Variants in FAM171A1 observed in about 807,000 individuals in gnomAD.
FAM171A1 encodes family with sequence similarity 171 member A1, also known as protein FAM171A1.
Under a neutral mutation model 74.9 loss-of-function variants are expected in FAM171A1, and 23 were observed. The observed-to-expected ratio is 0.31, with a 90% CI of 0.22 to 0.44. The LOEUF is 0.44. Among genes scored for constraint, FAM171A1 ranks in the 20% least tolerant of loss-of-function variants. FAM171A1 has a pLI of 1.00. For missense variants in FAM171A1, 1,162 were observed against 1,159.2 expected, an observed-to-expected ratio of 1.00 and a Z score of -0.03; for synonymous variants, 527 against 505.7, an observed-to-expected ratio of 1.04 and a Z score of -0.57.
chr10:15,249,196 A>AC (rs1021923360), intron 4 of FAM171A1, among the ~76,000 whole-genome samples: 1 of 150,386 alleles, frequency 6.6e-6, no homozygotes, highest in African/African-American at 2.5e-5. Flanking sequence ...TCCTGGGTTC[A>AC]AGCGATCCTC....
chr10:15,319,629 C>T lies in FAM171A1; in HGVS notation c.98-35524G>A, dbSNP rs183977715. Reference sequence around the variant, plus strand: ...TGTCTATTTTGTAGAGACGGGGTTTCACCATGTTGGCCAGGCTGGTCTCGA... The same window carrying T: ...TGTCTATTTTGTAGAGACGGGGTTTTACCATGTTGGCCAGGCTGGTCTCGA... On this transcript the variant is annotated intron_variant, in intron 1 of 7. Transcript: ENST00000378116. Among the ~76,000 whole-genome samples the T allele has an allele frequency of 1.5e-3, 229 of 152,260 alleles. 1 individual carries two copies. Among genetic ancestry groups the T allele is most frequent in the Non-Finnish European group, 2.3e-3 (158 of 68,016 alleles).
chr10:15,248,599 C>A, intron 5 of FAM171A1, 40 bp downstream of exon 5: 1 of 1,552,232 alleles, frequency 6.4e-7, no homozygotes, highest in Non-Finnish European at 8.7e-7. Flanking sequence ...AGTAACGAAG[C>A]CATCTGGTAG....
chr10:15,248,733 C>T lies in FAM171A1; in HGVS notation c.660G>A (p.Val220=). The T allele has an allele frequency of 6.2e-7, 1 of 1,613,866 alleles. No homozygotes were observed. Among genetic ancestry groups the T allele is most frequent in the Non-Finnish European group, 8.5e-7 (1 of 1,179,850 alleles). ...GCACAGTGACATAGATGGGACCATC[C>T]ACCAGCACCGGCGTTCCATTACTGC... The part of the protein sequence containing the change: ...LLSSNGTPVL[V]DGPIYVTVPL... Residue 220 remains valine (V), a synonymous_variant, in exon 5 of 8, where the codon GTG becomes GTA. Transcript: ENST00000378116.
intron 1 of FAM171A1, among the ~76,000 whole-genome samples, chr10:15,293,755 C>T (rs937460250): frequency 1.3e-5 from 2 of 152,044 alleles, no homozygotes; most frequent in Non-Finnish European, 2.9e-5. Context: ...GCAAACTGGC[C>T]CTGATTGTGG....
At chr10:15,329,863 G>A (rs550117635) in intron 1 of FAM171A1, among the ~76,000 whole-genome samples, 1 of 152,218 alleles carries the variant, frequency 6.6e-6, no homozygotes, top group Admixed American at 6.5e-5. Flanking sequence ...TCTCAGGCCC[G>A]CACACTACCT....
intron 5 of FAM171A1, among the ~76,000 whole-genome samples, chr10:15,234,881 C>G (rs1400414422): frequency 6.6e-6 from 1 of 152,138 alleles, no homozygotes; most frequent in Admixed American, 6.5e-5. Flanking sequence ...CCAGGATGGT[C>G]TCGATCTCCT....
intron 1 of FAM171A1, among the ~76,000 whole-genome samples, chr10:15,348,690 G>T (rs769884875): frequency 6.6e-6 from 1 of 152,168 alleles, no homozygotes; most frequent in Non-Finnish European, 1.5e-5. Context: ...CAGCCTCTCA[G>T]GGGCCACACG....
At chr10:15,336,980 G>A (rs368455064) in intron 1 of FAM171A1, among the ~76,000 whole-genome samples, 3 of 151,314 alleles carry the variant, frequency 2.0e-5, no homozygotes, top group East Asian at 3.9e-4. Context: ...CTGCAGCCTC[G>A]ATCTCTTGGG....
intron 1 of FAM171A1, among the ~76,000 whole-genome samples, chr10:15,324,366 A>G (rs1835524395): frequency 6.6e-6 from 1 of 152,162 alleles, no homozygotes; most frequent in Non-Finnish European, 1.5e-5. Context: ...CTCAAATGAC[A>G]CACTCTTCAG....
chr10:15,231,601 T>C (rs1411504451), intron 5 of FAM171A1, among the ~76,000 whole-genome samples: 1 of 151,624 alleles, frequency 6.6e-6, no homozygotes, highest in Non-Finnish European at 1.5e-5. Flanking sequence ...TTTGCCCTTT[T>C]GTGGGTGTGG....
intron 1 of FAM171A1, among the ~76,000 whole-genome samples, chr10:15,314,386 G>C (rs1394648827): frequency 6.6e-6 from 1 of 152,132 alleles, no homozygotes; most frequent in South Asian, 2.1e-4. Context: ...TTTAACTTTG[G>C]CTGTTTTATC....
Position 15,349,667 on chromosome 10 carries a change from G to A in FAM171A1, c.97+21289C>T, listed in dbSNP as rs180875462. On this transcript the variant is annotated intron_variant, in intron 1 of 7. Coordinates refer to ENST00000378116, the MANE Select transcript of FAM171A1 (RefSeq NM_001010924.2). ...CCTATCCTGAACACTTTTAGGACTTGGAAAGGTAAACGTGGCACCGATCTG... is the reference window on the plus strand; with the variant it reads ...CCTATCCTGAACACTTTTAGGACTTAGAAAGGTAAACGTGGCACCGATCTG... Among the ~76,000 whole-genome samples, 3 of 152,182 alleles carry A rather than the reference G, an allele frequency of 2.0e-5. No individual in the cohort carries two copies. The East Asian group carries it at 5.8e-4, about 29-fold the overall frequency.
At chr10:15,233,582 A>G (rs545837788) in intron 5 of FAM171A1, among the ~76,000 whole-genome samples, 3 of 151,164 alleles carry the variant, frequency 2.0e-5, no homozygotes, top group Non-Finnish European at 4.4e-5. Context: ...AAATAATTTT[A>G]AAGGGGTGAT....
rs1172084412 is a variant in FAM171A1 at position 15,213,093 on chromosome 10, T to G, written c.2495A>C (p.Gln832Pro). 1 of 1,613,624 alleles carries G rather than the reference T, an allele frequency of 6.2e-7. No homozygotes were observed. Among genetic ancestry groups the G allele is most frequent in the African/African-American group, 1.3e-5 (1 of 74,920 alleles). Residue 832 changes from glutamine (Q) to proline (P), a missense_variant, in exon 8 of 8, where the codon CAG (glutamine) becomes CCG (proline). Coordinates refer to ENST00000378116, the MANE Select transcript of FAM171A1 (RefSeq NM_001010924.2). The surrounding 1 kb of genome is among the most constrained non-coding windows in gnomAD (Gnocchi z 6.8). ...CGCAGTCCGTCTGGTCGTCTCCTCC[T>G]GCAGGCTGGGCAGCTGGCCACCACT... is the stretch of plus-strand genomic sequence containing the variant. Reference protein sequence around the residue: ...RRSGGQLPSLQEETTRRTADA... With the variant: ...RRSGGQLPSLPEETTRRTADA...
At chr10:15,341,767 T>C (rs1835767037) in intron 1 of FAM171A1, among the ~76,000 whole-genome samples, 1 of 152,110 alleles carries the variant, frequency 6.6e-6, no homozygotes, top group African/African-American at 2.4e-5. Flanking sequence ...TAATATACCC[T>C]GACACATCAC....
intron 1 of FAM171A1, among the ~76,000 whole-genome samples, chr10:15,363,513 A>C (rs1442034593): frequency 6.6e-6 from 1 of 152,146 alleles, no homozygotes; most frequent in Non-Finnish European, 1.5e-5. Context: ...AAAATAACTG[A>C]ATGATTCACT....
chr10:15,373,800 G>A (rs559770915), upstream of FAM171A1, among the ~76,000 whole-genome samples: 13 of 152,300 alleles, frequency 8.5e-5, no homozygotes, highest in African/African-American at 3.1e-4. Context: ...AAACACTGGT[G>A]TTTGTGATCT....
intron 1 of FAM171A1, among the ~76,000 whole-genome samples, chr10:15,291,312 C>G (rs1190875292): frequency 1.3e-5 from 2 of 152,158 alleles, no homozygotes; most frequent in South Asian, 2.1e-4. Context: ...AACTAACCAT[C>G]TCTTAACACA....
intron 1 of FAM171A1, among the ~76,000 whole-genome samples, chr10:15,338,864 C>T (rs1050551366): frequency 2.6e-5 from 4 of 152,200 alleles, no homozygotes; most frequent in Admixed American, 1.3e-4. Flanking sequence ...CCTCAGCCTC[C>T]CAAGTAGCTG....
Sources: gnomAD v4.1 joint callset for allele counts (sites outside exome capture counted in the v4.1 genomes callset) on GRCh38, gnomAD v4.1.1 for gene constraint, Gnocchi (gnomAD v3.1) non-coding constraint, MANE v1.5 for transcripts, NCBI Gene and HGNC (gene_info 2026-07-23, HGNC 2026-07-21) for gene names.